PISD: variants seen among roughly 807,000 people sequenced by gnomAD.
The protein encoded by PISD is phosphatidylserine decarboxylase.
PISD carries 31 observed loss-of-function variants against 43.5 expected under a neutral mutation model. The ratio of observed to expected loss-of-function variants is 0.71; its 90% CI spans 0.54 to 0.96. The LOEUF is 0.96. PISD is among the 40% of genes least tolerant of loss of function. The pLI is 0.00. For missense variants in PISD, 523 were observed against 548.4 expected, an observed-to-expected ratio of 0.95 and a Z score of 0.46; for synonymous variants, 259 against 228.7, an observed-to-expected ratio of 1.13 and a Z score of -1.20.
At chr22:31,635,168 A>AAAAACAAAACCAAACAAAAC (rs2073388699) in intron 3 of PISD, among the ~76,000 whole-genome samples, 3 of 151,872 alleles carry the variant, frequency 2.0e-5, no homozygotes, top group Non-Finnish European at 4.4e-5. Flanking sequence ...CTCCGTCTCA[A>AAAAACAAAACCAAACAAAAC]AAAACAAAAC....
At position 31,620,561 on chromosome 22, in the gene PISD, A is replaced by G. The variant is rs1361582724; in HGVS notation, c.997T>C (p.Phe333Leu). 2 of 1,614,202 alleles carry G rather than the reference A, an allele frequency of 1.2e-6. No individual in the cohort carries two copies. The highest frequency in any genetic ancestry group is 1.7e-5 in the Admixed American group (1 of 60,024). ...GCCTAGATCCTGCTTACCCGGTCAAAGTAGATGCGAATGGAGCCCACGTTG... is the reference window on the plus strand; with the variant it reads ...GCCTAGATCCTGCTTACCCGGTCAAGGTAGATGCGAATGGAGCCCACGTTG... ...ATNVGSIRIY[F>L]DRDLHTNSPR... is the part of the protein sequence containing the mutation. The change falls in exon 7 of 8, where the codon TTT (phenylalanine) becomes CTT (leucine). Residue 333 changes from phenylalanine (F) to leucine (L), a missense_variant. Transcript: ENST00000439502.
chr22:31,661,862 C>CA (rs1179130673), intron 1 of PISD, among the ~76,000 whole-genome samples: 2 of 152,314 alleles, frequency 1.3e-5, no homozygotes, highest in East Asian at 3.9e-4. Context: ...TGCCTCGACT[C>CA]AAGAGACGGG....
intron 3 of PISD, among the ~76,000 whole-genome samples, 157 bp downstream of exon 3, chr22:31,647,944 A>T (rs932694815): frequency 6.6e-6 from 1 of 152,222 alleles, no homozygotes; most frequent in African/African-American, 2.4e-5. Flanking sequence ...CTTGACACCA[A>T]AGTTATAACT....
intron 3 of PISD, among the ~76,000 whole-genome samples, chr22:31,634,662 A>AC (rs1179727713): frequency 5.3e-5 from 8 of 151,828 alleles, no homozygotes; most frequent in African/African-American, 1.9e-4. Flanking sequence ...ACATGGTGAA[A>AC]CCCCATCTTT....
Position 31,621,651 on chromosome 22 carries a change from C to T in PISD, c.556G>A (p.Val186Met), listed in dbSNP as rs201154270. The T allele has an allele frequency of 1.1e-5, 17 of 1,612,068 alleles. No individual in the cohort carries two copies. In the African/African-American group the frequency reaches 1.2e-4, roughly 11 times the overall value. The change falls in exon 4 of 8, where the codon GTG becomes ATG. Residue 186 changes from valine (V) to methionine (M), a missense_variant and splice_region_variant. By Grantham distance (21) the Val-to-Met change is conservative (BLOSUM62 1). Coordinates refer to ENST00000439502, the MANE Select transcript of PISD (RefSeq NM_001326411.2). ...QARPVCGLHS[V>M]ISPSDGRILN... ...AGGAGGAAAGGGTCAGGCCTCACCA[C>T]GCTGTGCAGGCCACAGACAGGCCGG... is the stretch of plus-strand genomic sequence containing the variant.
intron 1 of PISD, among the ~76,000 whole-genome samples, chr22:31,658,540 AGTTTGTTT>A (rs72370751): frequency 0.055 from 8,304 of 151,738 alleles, 208 homozygotes; most frequent in Non-Finnish European, 0.065. Context: ...CCTGGTTATA[AGTTTGTTT>A]GTTTGTTTGT....
At chr22:31,634,719 T>A (rs1300628817) in intron 3 of PISD, among the ~76,000 whole-genome samples, 1 of 147,790 alleles carries the variant, frequency 6.8e-6, no homozygotes, top group Non-Finnish European at 1.5e-5. Flanking sequence ...ACGCCTGTAA[T>A]CCCAGCTACT....
At chr22:31,659,698 T>C (rs1471210317) in intron 1 of PISD, among the ~76,000 whole-genome samples, 1 of 151,950 alleles carries the variant, frequency 6.6e-6, no homozygotes, top group Non-Finnish European at 1.5e-5. Context: ...TTCAGGAGAT[T>C]CTCCTGCCTC....
chr22:31,624,133 G>A (rs533601284), intron 3 of PISD, among the ~76,000 whole-genome samples: 79 of 152,292 alleles, frequency 5.2e-4, no homozygotes, highest in African/African-American at 1.8e-3. Flanking sequence ...GCAGCCGCAA[G>A]AGGAGAGTCA....
intron 1 of PISD, among the ~76,000 whole-genome samples, chr22:31,651,178 G>T (rs939883169): frequency 6.6e-6 from 1 of 152,026 alleles, no homozygotes; most frequent in Non-Finnish European, 1.5e-5. Context: ...TGGCCAGGCT[G>T]GTCTCAAACT....
At chr22:31,631,903 T>G (rs922956138) in intron 3 of PISD, among the ~76,000 whole-genome samples, 3 of 152,204 alleles carry the variant, frequency 2.0e-5, no homozygotes, top group Non-Finnish European at 4.4e-5. Flanking sequence ...TTCTCACCAC[T>G]GAGATCTTTG....
chr22:31,628,593 G>A (rs2073032913), intron 3 of PISD, among the ~76,000 whole-genome samples: 1 of 152,230 alleles, frequency 6.6e-6, no homozygotes, highest in Non-Finnish European at 1.5e-5. Flanking sequence ...AGAGGGCTTT[G>A]TGGCTGATGA....
Position 31,662,184 on chromosome 22 carries a change from A to G in PISD, c.25T>C (p.Cys9Arg). The G allele has an allele frequency of 6.2e-7, 1 of 1,605,800 alleles. No individual in the cohort carries two copies. Among genetic ancestry groups the G allele is most frequent in the Non-Finnish European group, 8.5e-7 (1 of 1,179,808 alleles). MATSVGHR[C>R]LGLLHGVAPW... ...GCGACCCCGTGCAGTAATCCCAGAC[A>G]TCGGTGCCCCACGGACGTCGCCATC... Residue 9 changes from cysteine to arginine, a missense_variant, in exon 1 of 8, where the codon TGT becomes CGT. By Grantham distance (180) the Cys-to-Arg change is radical. Transcript: ENST00000439502.
At chr22:31,627,794 G>C (rs1389506007) in intron 3 of PISD, among the ~76,000 whole-genome samples, 1 of 152,210 alleles carries the variant, frequency 6.6e-6, no homozygotes, top group Non-Finnish European at 1.5e-5. Context: ...CAAAAACCTT[G>C]GGTTCTCAAA....
In PISD at chr22:31,619,452, T is replaced by TG. The variant is rs1569479195; in HGVS notation, c.*159dup. ...TCTCGCCACCTCTTGTCTGCACCTC[T>TG]GGAACAGGTGGTAGCCGAATCATTC... On this transcript the variant is annotated 3_prime_UTR_variant, in exon 8 of 8. Coordinates refer to ENST00000439502, the MANE Select transcript of PISD (RefSeq NM_001326411.2). The TG allele has an allele frequency of 2.6e-5, 18 of 698,560 alleles. No homozygotes were observed. Among genetic ancestry groups the TG allele is most frequent in the Admixed American group, 1.4e-4 (7 of 49,724 alleles). 43.3% of individuals were successfully genotyped at this position (698,560 alleles called of 1,614,324 possible).
At chr22:31,648,616 G>C (rs548218765) in intron 2 of PISD, among the ~76,000 whole-genome samples, 2 of 150,634 alleles carry the variant, frequency 1.3e-5, no homozygotes, top group African/African-American at 4.9e-5. Flanking sequence ...GCAGTGAGCC[G>C]AGACTGCACC....
At chr22:31,621,504 A>G in intron 4 of PISD, 32 bp from the exon 5 acceptor site, 1 of 1,613,292 alleles carries the variant, frequency 6.2e-7, no homozygotes, top group Non-Finnish European at 8.5e-7. Context: ...GCTGCCAGGG[A>G]GAGCAGGGTC....
chr22:31,620,409 G>T, intron 7 of PISD, 144 bp downstream of exon 7: 1 of 759,512 alleles, frequency 1.3e-6, no homozygotes, highest in Non-Finnish European at 2.1e-6. Context: ...CCATTCTCAG[G>T]ACAGCTGCTC....
intron 3 of PISD, among the ~76,000 whole-genome samples, chr22:31,622,721 C>T (rs773270925): frequency 2.0e-5 from 3 of 152,208 alleles, no homozygotes; most frequent in African/African-American, 4.8e-5. Context: ...CTAAGACAGA[C>T]GATGGCCTGG....
Sources: gnomAD v4.1 joint callset for allele counts (sites outside exome capture counted in the v4.1 genomes callset) on GRCh38, gnomAD v4.1.1 for gene constraint, MANE v1.5 for transcripts, NCBI Gene and HGNC (gene_info 2026-07-23, HGNC 2026-07-21) for gene names.